MACROD2: variants seen among roughly 807,000 people sequenced by gnomAD.
MACROD2 encodes ADP-ribose glycohydrolase MACROD2.
In MACROD2, 36 loss-of-function variants were observed where a neutral mutation model predicts 70.4. The observed-to-expected ratio is 0.51, with a 90% CI of 0.39 to 0.68. MACROD2 has a LOEUF of 0.68. Among genes scored for constraint, MACROD2 ranks in the 30% least tolerant of loss-of-function variants. The pLI, the probability that MACROD2 is intolerant of heterozygous loss-of-function variation, is 0.00. For missense variants in MACROD2, 496 were observed against 538.4 expected (o/e 0.92, Z 0.78); for synonymous variants, 172 against 178.8 (o/e 0.96, Z 0.30).
At chr20:15,305,712 G>A (rs1439408508) in intron 6 of MACROD2, among the ~76,000 whole-genome samples, 2 of 152,162 alleles carry the variant, frequency 1.3e-5, no homozygotes, top group Non-Finnish European at 2.9e-5. Flanking sequence ...AGTAGCATGT[G>A]TGGTAGCCTT....
At chr20:16,045,315 A>C (rs2067364894) in intron 17 of MACROD2, among the ~76,000 whole-genome samples, 1 of 152,170 alleles carries the variant, frequency 6.6e-6, no homozygotes, top group Admixed American at 6.5e-5. Flanking sequence ...CTCAGTAGAG[A>C]CTAAAATATA....
intron 5 of MACROD2, among the ~76,000 whole-genome samples, chr20:14,829,286 C>T (rs796580624): frequency 5.9e-4 from 89 of 151,778 alleles, no homozygotes; most frequent in African/African-American, 1.7e-3. Flanking sequence ...CCTGCCACCA[C>T]GCCCGGCTAA....
intron 4 of MACROD2, among the ~76,000 whole-genome samples, chr20:14,499,175 A>G (rs2084889463): frequency 6.6e-6 from 1 of 152,184 alleles, no homozygotes; most frequent in Non-Finnish European, 1.5e-5. Context: ...CTTTTTACTC[A>G]GGCAGGGAGC....
intron 4 of MACROD2, among the ~76,000 whole-genome samples, chr20:14,496,140 A>G (rs2084850386): frequency 6.6e-6 from 1 of 152,212 alleles, no homozygotes; most frequent in Non-Finnish European, 1.5e-5. Flanking sequence ...GCTAGTAATC[A>G]TCTAATAAGA....
At chr20:14,965,554 G>A (rs1352212943) in intron 5 of MACROD2, among the ~76,000 whole-genome samples, 1 of 138,134 alleles carries the variant, frequency 7.2e-6, no homozygotes, top group African/African-American at 2.7e-5. Context: ...TCCGCCTCCC[G>A]GGTTCACGCC....
intron 5 of MACROD2, among the ~76,000 whole-genome samples, chr20:15,192,009 A>ACTAT (rs1463756357): frequency 1.6e-5 from 2 of 121,880 alleles, no homozygotes; most frequent in African/African-American, 3.1e-5. Flanking sequence ...CCCTCTATTA[A>ACTAT]CTATGTATCT....
chr20:16,035,473 T>G (rs808944), intron 15 of MACROD2, among the ~76,000 whole-genome samples: 1 of 151,632 alleles, frequency 6.6e-6, no homozygotes, highest in African/African-American at 2.4e-5. Context: ...TTATGTACAC[T>G]CACCATTTGT....
chr20:15,131,684 T>C (rs1349829284), intron 5 of MACROD2, among the ~76,000 whole-genome samples: 1 of 151,998 alleles, frequency 6.6e-6, no homozygotes, highest in Non-Finnish European at 1.5e-5. Context: ...TTTTTAGACA[T>C]TGAACTAGAA....
At chr20:15,333,989 CA>C (rs2078021202) in intron 6 of MACROD2, among the ~76,000 whole-genome samples, 1 of 151,582 alleles carries the variant, frequency 6.6e-6, no homozygotes, top group African/African-American at 2.4e-5. Flanking sequence ...GAATCCAAGA[CA>C]AATAAAATGC....
intron 5 of MACROD2, among the ~76,000 whole-genome samples, chr20:15,046,266 T>G (rs982644376): frequency 2.0e-5 from 3 of 152,174 alleles, no homozygotes; most frequent in African/African-American, 7.2e-5. Context: ...TTTAAAAATA[T>G]ATCTCCGAAC....
intron 10 of MACROD2, among the ~76,000 whole-genome samples, chr20:15,918,841 ACCTGTTTAGGGAGGAAGGGGCTCTG>A (rs2065358842): frequency 6.6e-6 from 1 of 152,066 alleles, no homozygotes; most frequent in Admixed American, 6.5e-5. Flanking sequence ...ATGGGGCTCC[ACCTGTTTAGGGAGGAAGGGGCTCTG>A]CATATTAAAT....
At chr20:15,992,663 T>C (rs1211750000) in intron 15 of MACROD2, among the ~76,000 whole-genome samples, 2 of 152,254 alleles carry the variant, frequency 1.3e-5, no homozygotes, top group Non-Finnish European at 2.9e-5. Context: ...TTGTCTTCTT[T>C]GATTTCTTGC....
At chr20:15,326,363 A>C (rs2077929104) in intron 6 of MACROD2, among the ~76,000 whole-genome samples, 1 of 152,152 alleles carries the variant, frequency 6.6e-6, no homozygotes, top group Non-Finnish European at 1.5e-5. Flanking sequence ...AATATATCTA[A>C]AATAATACTA....
chr20:15,055,736 G>T (rs2075479526), intron 5 of MACROD2, among the ~76,000 whole-genome samples: 1 of 151,876 alleles, frequency 6.6e-6, no homozygotes, highest in South Asian at 2.1e-4. Context: ...AAATGCAAGG[G>T]CTACTGTCAG....
chr20:15,157,314 C>T (rs1161183153), intron 5 of MACROD2, among the ~76,000 whole-genome samples: 1 of 149,452 alleles, frequency 6.7e-6, no homozygotes, highest in African/African-American at 2.5e-5. Flanking sequence ...TCATGAGGGT[C>T]ATGCTTTCAT....
chr20:14,576,635 C>A (rs62202890), intron 4 of MACROD2, among the ~76,000 whole-genome samples: 28,062 of 152,080 alleles, frequency 0.18, 3,334 homozygotes, highest in Non-Finnish European at 0.26. Context: ...ATGGATCCAA[C>A]GTAAATGTGT....
intron 3 of MACROD2, among the ~76,000 whole-genome samples, chr20:14,431,953 C>T (rs866068403): frequency 1.3e-5 from 2 of 152,176 alleles, no homozygotes; most frequent in Non-Finnish European, 2.9e-5. Context: ...AGTACTTCCA[C>T]AGCAGAGGGG....
chr20:15,745,347 T>C (rs1338861544), intron 8 of MACROD2, among the ~76,000 whole-genome samples: 2 of 152,186 alleles, frequency 1.3e-5, no homozygotes, highest in Non-Finnish European at 2.9e-5. Flanking sequence ...TTACTGCATT[T>C]ATCTAATTAC....
chr20:15,647,932 T>C (rs1008128758), intron 8 of MACROD2, among the ~76,000 whole-genome samples: 7 of 152,168 alleles, frequency 4.6e-5, no homozygotes, highest in Non-Finnish European at 7.3e-5. Context: ...TTGGCCAGGC[T>C]GTTCTCAAAC....
Sources: allele counts gnomAD v4.1 joint callset (sites outside exome capture counted in the v4.1 genomes callset), GRCh38; gene constraint gnomAD v4.1.1; transcripts MANE v1.5; gene names NCBI Gene and HGNC (gene_info 2026-07-23, HGNC 2026-07-21).